GRIA4: variants seen among roughly 807,000 people sequenced by gnomAD.
The protein encoded by GRIA4 is glutamate receptor 4.
Under a neutral mutation model 104.0 loss-of-function variants are expected in GRIA4, and 34 were observed. That is an observed-to-expected ratio of 0.33 (90% CI 0.25 to 0.44). The LOEUF (loss-of-function observed/expected upper bound fraction) is 0.44, where lower values mean the gene tolerates loss of function less well. GRIA4 is among the 20% of genes least tolerant of loss of function. GRIA4 has a pLI of 1.00. For missense variants in GRIA4, 750 were observed against 1,096.5 expected, an observed-to-expected ratio of 0.68 and a Z score of 4.46; for synonymous variants, 386 against 381.9, an observed-to-expected ratio of 1.01 and a Z score of -0.13.
chr11:105,647,970 AT>A (rs1951577414), intron 3 of GRIA4, among the ~76,000 whole-genome samples: 1 of 151,480 alleles, frequency 6.6e-6, no homozygotes. Context: ...AAATAAATAA[AT>A]AAATAAATAA....
At chr11:105,859,305 A>G (rs1380298626) in intron 4 of GRIA4, among the ~76,000 whole-genome samples, 2 of 152,178 alleles carry the variant, frequency 1.3e-5, no homozygotes, top group Non-Finnish European at 2.9e-5. Context: ...ACTGCAATGA[A>G]AGGATGCCAT....
chr11:105,723,102 T>C (rs1339349588), intron 3 of GRIA4, among the ~76,000 whole-genome samples: 2 of 151,940 alleles, frequency 1.3e-5, no homozygotes, highest in Non-Finnish European at 2.9e-5. Context: ...GACCGCTGGC[T>C]AAAAAGGAAA....
chr11:105,628,049 A>G (rs904069497), intron 3 of GRIA4, among the ~76,000 whole-genome samples: 1 of 152,122 alleles, frequency 6.6e-6, no homozygotes, highest in African/African-American at 2.4e-5. Flanking sequence ...TAAAATAATA[A>G]TTAGTACAAT....
At chr11:105,954,880 C>T (rs1948544900) in intron 14 of GRIA4, among the ~76,000 whole-genome samples, 1 of 148,250 alleles carries the variant, frequency 6.7e-6, no homozygotes, top group African/African-American at 2.5e-5. Context: ...CTTAATCTTC[C>T]CTCTTTTTGA....
At chr11:105,698,146 A>G (rs1953352340) in intron 3 of GRIA4, among the ~76,000 whole-genome samples, 1 of 152,118 alleles carries the variant, frequency 6.6e-6, no homozygotes, top group Non-Finnish European at 1.5e-5. Context: ...AGCTATTTTC[A>G]CTTATTGTTA....
chr11:105,643,541 T>G (rs548779010), intron 3 of GRIA4, among the ~76,000 whole-genome samples: 2 of 152,172 alleles, frequency 1.3e-5, no homozygotes, highest in Non-Finnish European at 2.9e-5. Flanking sequence ...CAGGTGCTGA[T>G]ATCCTTGGCT....
chr11:105,829,751 G>A (rs562016015), intron 4 of GRIA4, among the ~76,000 whole-genome samples: 2 of 151,972 alleles, frequency 1.3e-5, no homozygotes, highest in South Asian at 4.1e-4. Flanking sequence ...TCCACTTTCT[G>A]TAGATGATAG....
intron 7 of GRIA4, among the ~76,000 whole-genome samples, chr11:105,903,571 G>A (rs1946940859): frequency 6.6e-6 from 1 of 152,090 alleles, no homozygotes; most frequent in Non-Finnish European, 1.5e-5. Flanking sequence ...TGTTTTATTG[G>A]AATTTCTATT....
intron 3 of GRIA4, among the ~76,000 whole-genome samples, chr11:105,641,522 T>C (rs190113056): frequency 4.9e-4 from 75 of 152,312 alleles, no homozygotes; most frequent in South Asian, 4.6e-3. Flanking sequence ...ATATATTTTT[T>C]AGTCTACAAA....
chr11:105,938,701 C>T (rs1256281380), intron 14 of GRIA4, among the ~76,000 whole-genome samples: 1 of 152,130 alleles, frequency 6.6e-6, no homozygotes, highest in African/African-American at 2.4e-5. Context: ...TCTCAACATA[C>T]ACACACAAGC....
chr11:105,914,762 G>T (rs1202971012), intron 10 of GRIA4, among the ~76,000 whole-genome samples: 1 of 152,058 alleles, frequency 6.6e-6, no homozygotes, highest in Non-Finnish European at 1.5e-5. Flanking sequence ...ATCATGGCAG[G>T]TTGTATACAT....
chr11:105,907,456 T>C (rs1322281827), intron 9 of GRIA4, among the ~76,000 whole-genome samples: 5 of 152,312 alleles, frequency 3.3e-5, no homozygotes, highest in African/African-American at 9.6e-5. Flanking sequence ...TTCTTGTAAA[T>C]TGAACACTTG....
chr11:105,672,359 A>G (rs1337112918), intron 3 of GRIA4, among the ~76,000 whole-genome samples: 1 of 152,260 alleles, frequency 6.6e-6, no homozygotes, highest in South Asian at 2.1e-4. Flanking sequence ...AGCATATTCA[A>G]TCATATCCAT....
chr11:105,941,519 T>C (rs1375483394), intron 14 of GRIA4, among the ~76,000 whole-genome samples: 1 of 152,160 alleles, frequency 6.6e-6, no homozygotes, highest in Admixed American at 6.6e-5. Flanking sequence ...TCGTATTATA[T>C]CCTGTTGAAG....
chr11:105,943,197 T>C (rs895726769), intron 14 of GRIA4, among the ~76,000 whole-genome samples: 6 of 152,132 alleles, frequency 3.9e-5, no homozygotes, highest in Non-Finnish European at 7.4e-5. Context: ...GCAGCATATC[T>C]TCGTTGTGAA....
intron 4 of GRIA4, among the ~76,000 whole-genome samples, chr11:105,839,518 T>C (rs888736482): frequency 1.3e-5 from 2 of 151,618 alleles, no homozygotes; most frequent in East Asian, 3.9e-4. Flanking sequence ...TGGAAAAACG[T>C]TACTCTTCCT....
At chr11:105,776,155 C>T (rs1400042772) in intron 4 of GRIA4, among the ~76,000 whole-genome samples, 2 of 151,938 alleles carry the variant, frequency 1.3e-5, no homozygotes, top group African/African-American at 4.8e-5. Flanking sequence ...AGGGGAGTTG[C>T]TACAAATTAC....
chr11:105,758,184 C>T (rs909553064), intron 4 of GRIA4, among the ~76,000 whole-genome samples: 5 of 152,090 alleles, frequency 3.3e-5, no homozygotes, highest in African/African-American at 9.7e-5. Flanking sequence ...TTCAAGGCTG[C>T]AGTGAGCTAT....
chr11:105,639,936 G>A lies in GRIA4; in HGVS notation c.247+27502G>A, dbSNP rs539315503. Among the ~76,000 whole-genome samples, 7 of 151,992 alleles carry A rather than the reference G, an allele frequency of 4.6e-5. 1 individual carries two copies. In the South Asian group the frequency reaches 8.3e-4, roughly 18 times the overall value. ...TCCGCTGAAATATGAAAATGACAAT[G>A]AATACATGTTTCCTATTTTTTTATG... On this transcript the variant is annotated intron_variant, in intron 3 of 16. Coordinates refer to ENST00000282499, the MANE Select transcript of GRIA4 (RefSeq NM_000829.4).
Sources: gnomAD v4.1 joint callset for allele counts (sites outside exome capture counted in the v4.1 genomes callset) on GRCh38, gnomAD v4.1.1 for gene constraint, MANE v1.5 for transcripts, NCBI Gene and HGNC (gene_info 2026-07-23, HGNC 2026-07-21) for gene names.